Variants in IGSF3 observed in about 807,000 individuals in gnomAD.
The protein encoded by IGSF3 is glu-Trp-Ile EWI motif-containing protein 3.
IGSF3 carries 23 observed loss-of-function variants against 114.4 expected under a neutral mutation model. The ratio of observed to expected loss-of-function variants is 0.20; its 90% CI spans 0.14 to 0.28. The LOEUF is 0.28. IGSF3 is among the 10% of genes least tolerant of loss of function. The pLI, the probability that IGSF3 is intolerant of heterozygous loss-of-function variation, is 1.00. For synonymous variants in IGSF3, 571 were observed against 645.2 expected (o/e 0.88, Z 1.74); for missense variants, 1,172 against 1,591.5 (o/e 0.74, Z 4.48).
In IGSF3 at chr1:116,661,817, T is replaced by C. The variant is rs1571200519; in HGVS notation, c.43+4467A>G. On this transcript the variant is annotated intron_variant, in intron 2 of 10. Coordinates refer to ENST00000369486, the MANE Select transcript of IGSF3 (RefSeq NM_001007237.3). This position sits in a 1 kb window ranked among gnomAD's most constrained non-coding sequence, Gnocchi z 4.0. ...GGATAAGCATATTTTCCAGCCTTCT[T>C]TGCAGCTAAATATGGTCACATGACT... 6.6e-6 allele frequency among the ~76,000 whole-genome samples: 1 copy of C among 152,318 alleles called. No individual in the cohort carries two copies. Among genetic ancestry groups the C allele is most frequent in the East Asian group, 1.9e-4 (1 of 5,184 alleles).
At position 116,664,456 on chromosome 1, in the gene IGSF3, T is replaced by C. The variant is rs1018048887; in HGVS notation, c.43+1828A>G. Among the ~76,000 whole-genome samples the C allele has an allele frequency of 6.6e-6, 1 of 152,146 alleles. No homozygotes were observed. ...AATGTCACATTGCCTTGTTTTCCCA[T>C]TGATGGTTACTTCTCCTGCCCTGGG... On this transcript the variant is annotated intron_variant, in intron 2 of 10. Transcript: ENST00000369486. The surrounding 1 kb of genome is among the most constrained non-coding windows in gnomAD (Gnocchi z 4.6).
At position 116,666,334 on chromosome 1, in the gene IGSF3, G is replaced by A. The variant is rs371391299; in HGVS notation, c.-8C>T. Reference sequence around the variant, plus strand: ...CGGGAAAAAGCACTTCATGTCGGCAGCCTCCAGGAGACACAACACAAGGCG... The same window carrying A: ...CGGGAAAAAGCACTTCATGTCGGCAACCTCCAGGAGACACAACACAAGGCG... On this transcript the variant is annotated 5_prime_UTR_variant, in exon 2 of 11. Coordinates refer to ENST00000369486, the MANE Select transcript of IGSF3 (RefSeq NM_001007237.3). 1 of 1,614,034 alleles carries A rather than the reference G, an allele frequency of 6.2e-7. No individual in the cohort carries two copies. Among genetic ancestry groups the A allele is most frequent in the Non-Finnish European group, 8.5e-7 (1 of 1,179,870 alleles).
In IGSF3 at chr1:116,588,819, G is replaced by A. The variant is rs1659964912; in HGVS notation, c.2315C>T (p.Ala772Val). The A allele has an allele frequency of 6.2e-7, 1 of 1,614,166 alleles. No individual in the cohort carries two copies. Among genetic ancestry groups the A allele is most frequent in the Non-Finnish European group, 8.5e-7 (1 of 1,180,002 alleles). Residue 772 changes from alanine (A) to valine (V), a missense_variant, in exon 8 of 11, where the codon GCC (alanine) becomes GTC (valine). Ala to Val is a moderately conservative substitution (Grantham distance 64). Around this residue, in one of 3 missense-constraint regions of IGSF3, gnomAD observed 736 missense variants for 1,042.0 expected, o/e 0.71. Transcript: ENST00000369486. This position sits in a 1 kb window ranked among gnomAD's most constrained non-coding sequence, Gnocchi z 4.9. ...GTAGCTGCCGCTGTCGCTGACCTCG[G>A]CTCTCTGGACGGTGAGGCTGAACAG... is the stretch of plus-strand genomic sequence containing the variant. ...GGLFSLTVQRAEVSDSGSYYC... is the reference protein window; with the variant it reads ...GGLFSLTVQRVEVSDSGSYYC...
rs1649094668 is a variant in IGSF3, at chr1:116,661,075, G to A, written c.43+5209C>T. Among the ~76,000 whole-genome samples the A allele has an allele frequency of 6.6e-6, 1 of 152,124 alleles. No individual in the cohort carries two copies. The highest frequency in any genetic ancestry group is 2.1e-4 in the South Asian group (1 of 4,820). ...TGGGAGGCCAAGGCAGGCGGATCAC[G>A]AGGTCAGGAGTTTGAGACCAGTGTG... On this transcript the variant is annotated intron_variant, in intron 2 of 10. Coordinates refer to ENST00000369486, the MANE Select transcript of IGSF3 (RefSeq NM_001007237.3). The surrounding 1 kb of genome is among the most constrained non-coding windows in gnomAD (Gnocchi z 4.0).
rs1157068550 is a variant in IGSF3 at position 116,598,255 on chromosome 1, G to A, written c.2029+1686C>T. ...CAGAAAACTGACCTTGAGAGCCAGAGGGGACAAAAAAAAAAGGTGCAATTA... is the reference window on the plus strand; with the variant it reads ...CAGAAAACTGACCTTGAGAGCCAGAAGGGACAAAAAAAAAAGGTGCAATTA... On this transcript the variant is annotated intron_variant, in intron 7 of 10. Transcript: ENST00000369486. This position sits in a 1 kb window ranked among gnomAD's most constrained non-coding sequence, Gnocchi z 4.3. 4.6e-5 allele frequency among the ~76,000 whole-genome samples: 7 copies of A among 151,784 alleles called. No homozygotes were observed. The highest frequency in any genetic ancestry group is 4.6e-4 in the Admixed American group (7 of 15,276).
intron 2 of IGSF3, among the ~76,000 whole-genome samples, chr1:116,637,180 G>A (rs2101048238): frequency 6.6e-6 from 1 of 152,288 alleles, no homozygotes; most frequent in Non-Finnish European, 1.5e-5. Flanking sequence ...ACTCCCCTGT[G>A]CCTGTGGACA....
rs1661105059 is a variant in IGSF3 at position 116,613,673 on chromosome 1, G to C, written c.832+92C>G. ...CATGAAAACCTGCTGTCCTGGTAGAGGTGCCCAAAGAAGGAGTCTCCACAT... is the reference window on the plus strand; with the variant it reads ...CATGAAAACCTGCTGTCCTGGTAGACGTGCCCAAAGAAGGAGTCTCCACAT... On this transcript the variant is annotated intron_variant, in intron 4 of 10. Transcript: ENST00000369486. The C allele has an allele frequency of 3.4e-5, 41 of 1,207,922 alleles. 1 individual carries two copies. The highest frequency in any genetic ancestry group is 4.8e-5 in the Non-Finnish European group (40 of 840,300). 74.8% of individuals were successfully genotyped at this position (1,207,922 alleles called of 1,614,324 possible).
chr1:116,663,250 A>C (rs1571201534), intron 2 of IGSF3, among the ~76,000 whole-genome samples: 1 of 152,258 alleles, frequency 6.6e-6, no homozygotes, highest in Middle Eastern at 3.4e-3. Flanking sequence ...TTACAGACAC[A>C]AATCCTATGC....
chr1:116,634,231 A>G lies in IGSF3; in HGVS notation c.44-17774T>C, dbSNP rs1043611467. ...AAAACACATGCCACGACAAGGCAAA[A>G]TGAGGAGACAGTATAAAAAAGACAA... On this transcript the variant is annotated intron_variant, in intron 2 of 10. Coordinates refer to ENST00000369486, the MANE Select transcript of IGSF3 (RefSeq NM_001007237.3). This position sits in a 1 kb window ranked among gnomAD's most constrained non-coding sequence, Gnocchi z 4.2. 1.1e-4 allele frequency among the ~76,000 whole-genome samples: 17 copies of G among 152,252 alleles called. No individual in the cohort carries two copies. In the South Asian group the frequency reaches 2.3e-3, roughly 20 times the overall value.
In IGSF3 at chr1:116,636,165, C is replaced by T. The variant is rs1052452683; in HGVS notation, c.44-19708G>A. Among the ~76,000 whole-genome samples, 15 of 152,278 alleles carry T rather than the reference C, an allele frequency of 9.9e-5. No homozygotes were observed. In the South Asian group the frequency reaches 1.0e-3, roughly 11 times the overall value. On this transcript the variant is annotated intron_variant, in intron 2 of 10. Coordinates refer to ENST00000369486, the MANE Select transcript of IGSF3 (RefSeq NM_001007237.3). This position sits in a 1 kb window ranked among gnomAD's most constrained non-coding sequence, Gnocchi z 4.5. ...ACAAAGCCTCTTGTCTCCTGAGAGC[C>T]GCTCCACAATCACCTTCCCAAGAAG...
intron 9 of IGSF3, among the ~76,000 whole-genome samples, chr1:116,581,177 C>T (rs1195930959): frequency 6.6e-6 from 1 of 152,118 alleles, no homozygotes; most frequent in Non-Finnish European, 1.5e-5. Context: ...AGGGCCCTTC[C>T]CTGTGAGCAC....
rs1316228616 is a variant in IGSF3 at position 116,633,682 on chromosome 1, G to A, written c.44-17225C>T. Among the ~76,000 whole-genome samples the A allele has an allele frequency of 6.6e-6, 1 of 152,004 alleles. No individual in the cohort carries two copies. The highest frequency in any genetic ancestry group is 1.5e-5 in the Non-Finnish European group (1 of 68,014). The stretch of plus-strand genomic sequence containing the variant: ...CCTTCTGTCTTCTCCCTTCCTTCTT[G>A]TCTACTAAACTCTCTGTGCCTTAGA... On this transcript the variant is annotated intron_variant, in intron 2 of 10. Transcript: ENST00000369486. The surrounding 1 kb of genome is among the most constrained non-coding windows in gnomAD (Gnocchi z 4.3).
intron 2 of IGSF3, among the ~76,000 whole-genome samples, chr1:116,623,031 G>A (rs1194394737): frequency 2.6e-5 from 4 of 152,240 alleles, no homozygotes; most frequent in Non-Finnish European, 5.9e-5. Flanking sequence ...GGAACTTAAA[G>A]GCTCCAGAGA....
chr1:116,597,277 A>T (rs1352568161), intron 7 of IGSF3, among the ~76,000 whole-genome samples: 2 of 152,262 alleles, frequency 1.3e-5, no homozygotes, highest in Non-Finnish European at 2.9e-5. Context: ...AACAGTCTCC[A>T]GCGCACAGTC....
intron 5 of IGSF3, chr1:116,606,681 G>A (rs1660805054): frequency 1.6e-6 from 1 of 615,450 alleles, no homozygotes; most frequent in South Asian, 1.9e-5. Context: ...AGAAAACAAT[G>A]AGGAATTAGT....
At chr1:116,580,154 G>A (rs2101299388) in intron 9 of IGSF3, among the ~76,000 whole-genome samples, 1 of 152,306 alleles carries the variant, frequency 6.6e-6, no homozygotes, top group African/African-American at 2.4e-5. Flanking sequence ...ATCTGTGGAA[G>A]AATTCATAAG....
rs527836767 is a variant in IGSF3, at chr1:116,576,634, C to G, written c.*678G>C. ...ACCATCTACTCCTAATGGGGTTATG[C>G]AGGATTTCTCTTGTACATACACAGT... On this transcript the variant is annotated 3_prime_UTR_variant, in exon 11 of 11. Coordinates refer to ENST00000369486, the MANE Select transcript of IGSF3 (RefSeq NM_001007237.3). This position sits in a 1 kb window ranked among gnomAD's most constrained non-coding sequence, Gnocchi z 4.6. The G allele has an allele frequency of 1.6e-4, 25 of 152,736 alleles. No individual in the cohort carries two copies. The highest frequency in any genetic ancestry group is 3.4e-3 in the Middle Eastern group (1 of 294). The allele number at this position is 152,736 out of a possible 1,614,324, so 9.5% of individuals were successfully genotyped here. A position where few individuals can be genotyped will look rare whatever the true frequency, so the allele number is the denominator to read the frequency against.
At position 116,583,038 on chromosome 1, in the gene IGSF3, A is replaced by C. The variant is rs1571115533; in HGVS notation, c.2848+1607T>G. Among the ~76,000 whole-genome samples the C allele has an allele frequency of 6.6e-6, 1 of 152,172 alleles. No homozygotes were observed. The highest frequency in any genetic ancestry group is 1.5e-5 in the Non-Finnish European group (1 of 68,024). Reference sequence around the variant, plus strand: ...TGTTGGAAGCACACAGTGTGGCAGGAGGGAAGCCTGGGTGGTCACTCTGCC... The same window carrying C: ...TGTTGGAAGCACACAGTGTGGCAGGCGGGAAGCCTGGGTGGTCACTCTGCC... On this transcript the variant is annotated intron_variant, in intron 9 of 10. Transcript: ENST00000369486. This position sits in a 1 kb window ranked among gnomAD's most constrained non-coding sequence, Gnocchi z 4.5.
rs2101041154 is a variant in IGSF3, at chr1:116,632,243, T to C, written c.44-15786A>G. ...CAGATTTAAAATACTTGCATGGTAA[T>C]CGAAACCAGAAAATGCTGACCATCC... On this transcript the variant is annotated intron_variant, in intron 2 of 10. Transcript: ENST00000369486. The surrounding 1 kb of genome is among the most constrained non-coding windows in gnomAD (Gnocchi z 5.1). Among the ~76,000 whole-genome samples the C allele has an allele frequency of 6.6e-6, 1 of 152,256 alleles. No homozygotes were observed.
Sources: allele counts gnomAD v4.1 joint callset (sites outside exome capture counted in the v4.1 genomes callset), GRCh38; gene constraint gnomAD v4.1.1; regional missense constraint gnomAD v4.1.1; non-coding constraint Gnocchi (gnomAD v3.1); transcripts MANE v1.5; gene names NCBI Gene and HGNC (gene_info 2026-07-23, HGNC 2026-07-21).